The following FAM20A variants were observed in gnomAD, a reference collection of about 807,000 sequenced individuals.
FAM20A encodes the protein pseudokinase FAM20A.
Under a neutral mutation model 52.0 loss-of-function variants are expected in FAM20A, and 42 were observed. That is an observed-to-expected ratio of 0.81 (90% CI 0.63 to 1.04). FAM20A has a LOEUF of 1.04. Among genes scored for constraint, FAM20A ranks in the 50% least tolerant of loss-of-function variants. FAM20A has a pLI of 0.00. For synonymous variants in FAM20A, 304 were observed against 298.9 expected (o/e 1.02, Z -0.18); for missense variants, 742 against 712.7 (o/e 1.04, Z -0.47).
chr17:68,600,928 C>T lies in FAM20A; in HGVS notation c.-262G>A. ...CCGAGTGAGCCGAGGGAATGGGGTT[C>T]CCGGGGTGCCCGCTTCTTGCGCCTT... On this transcript the variant is annotated 5_prime_UTR_variant, in exon 1 of 11. Coordinates refer to ENST00000592554, the MANE Select transcript of FAM20A (RefSeq NM_017565.4). This position sits in a 1 kb window ranked among gnomAD's most constrained non-coding sequence, Gnocchi z 6.2. 2.4e-6 allele frequency: 1 copy of T among 420,478 alleles called. No individual in the cohort carries two copies. The highest frequency in any genetic ancestry group is 4.2e-6 in the Non-Finnish European group (1 of 240,474). The allele number at this position is 420,478 out of a possible 1,614,324, so 26.0% of individuals were successfully genotyped here. A position where few individuals can be genotyped will look rare whatever the true frequency, so the allele number is the denominator to read the frequency against.
intron 1 of FAM20A, among the ~76,000 whole-genome samples, chr17:68,578,729 C>T (rs2087845729): frequency 6.7e-6 from 1 of 149,732 alleles, no homozygotes. Flanking sequence ...TGCAGTGGCT[C>T]ATGCCTGTAA....
intron 1 of FAM20A, among the ~76,000 whole-genome samples, chr17:68,594,626 G>A (rs2088404639): frequency 6.6e-6 from 1 of 152,148 alleles, no homozygotes; most frequent in Non-Finnish European, 1.5e-5. Context: ...CTGCTTCCAA[G>A]CTCATTCTTG....
At chr17:68,555,512 C>T (rs771290228) in intron 2 of FAM20A, 47 bp downstream of exon 2, 2 of 1,599,570 alleles carry the variant, frequency 1.3e-6, no homozygotes, top group East Asian at 4.5e-5. Flanking sequence ...TACCCAGACT[C>T]TCTGGGAGAA....
Position 68,554,780 on chromosome 17 carries a change from G to C in FAM20A, c.637C>G (p.Gln213Glu). Residue 213 changes from glutamine to glutamate, a missense_variant, in exon 3 of 11, where the codon CAG (glutamine) becomes GAG (glutamate). By Grantham distance (29) the Gln-to-Glu change is conservative. Transcript: ENST00000592554. ...GGGGTGGGGCTAGGTCACTTACTCT[G>C]GGTGCAGTCACATGCCCCCAGCAAG... ...KALLGACDCT[Q>E]IVKPSGVHLK... 1 of 1,614,048 alleles carries C rather than the reference G, an allele frequency of 6.2e-7. No individual in the cohort carries two copies. Among genetic ancestry groups the C allele is most frequent in the South Asian group, 1.1e-5 (1 of 91,046 alleles).
At chr17:68,551,133 G>C (rs1019348554) in intron 4 of FAM20A, 39 of 1,233,980 alleles carry the variant, frequency 3.2e-5, no homozygotes, top group Admixed American at 4.2e-5. Flanking sequence ...AAGGCACTGG[G>C]GCCGAACTCT....
rs1491158387 is a variant in FAM20A, at chr17:68,575,788, TTA to T, written c.405-20047_405-20046del. Reference sequence around the variant, plus strand: ...TATTTTATATATTGTATATTTTATATTATACACACACACACACACACACACAC... The same window carrying T: ...TATTTTATATATTGTATATTTTATATTACACACACACACACACACACACAC... On this transcript the variant is annotated intron_variant, in intron 1 of 10. Coordinates refer to ENST00000592554, the MANE Select transcript of FAM20A (RefSeq NM_017565.4). 7.7e-3 allele frequency among the ~76,000 whole-genome samples: 284 copies of T among 36,952 alleles called. 1 individual carries two copies. The highest frequency in any genetic ancestry group is 0.026 in the East Asian group (19 of 718). 24.2% of individuals were successfully genotyped at this position (36,952 alleles called of 152,430 possible).
intron 4 of FAM20A, among the ~76,000 whole-genome samples, chr17:68,549,362 T>G (rs2086725902): frequency 6.6e-6 from 1 of 151,986 alleles, no homozygotes; most frequent in Non-Finnish European, 1.5e-5. Context: ...GGTGTGGTGG[T>G]ACACATCTAT....
chr17:68,571,926 A>T (rs911055789), intron 1 of FAM20A, among the ~76,000 whole-genome samples: 2 of 147,302 alleles, frequency 1.4e-5, no homozygotes, highest in South Asian at 4.5e-4. Flanking sequence ...CTGAGATATC[A>T]AACTTATGTA....
rs910714670 is a variant in FAM20A, at chr17:68,578,351, A to T, written c.404+21912T>A. Among the ~76,000 whole-genome samples the T allele has an allele frequency of 2.7e-4, 41 of 152,338 alleles. 1 individual carries two copies. The highest frequency in any genetic ancestry group is 8.4e-4 in the African/African-American group (35 of 41,566). Reference sequence around the variant, plus strand: ...GCTGGGGCACATATTTTCATGGTTCATAAGCAAATTTCCTTGTGGCTCACT... The same window carrying T: ...GCTGGGGCACATATTTTCATGGTTCTTAAGCAAATTTCCTTGTGGCTCACT... On this transcript the variant is annotated intron_variant, in intron 1 of 10. Transcript: ENST00000592554.
intron 1 of FAM20A, among the ~76,000 whole-genome samples, chr17:68,585,897 G>A (rs756179065): frequency 3.3e-5 from 5 of 152,232 alleles, no homozygotes; most frequent in Non-Finnish European, 5.9e-5. Flanking sequence ...ACACCATACA[G>A]TGTCCTCTCT....
At chr17:68,545,326 T>C (rs1049059210) in intron 4 of FAM20A, among the ~76,000 whole-genome samples, 12 of 152,366 alleles carry the variant, frequency 7.9e-5, no homozygotes, top group African/African-American at 2.9e-4. Flanking sequence ...TTCGGAGATA[T>C]TGCAGGTTTG....
intron 1 of FAM20A, among the ~76,000 whole-genome samples, chr17:68,579,394 A>G (rs2087879008): frequency 6.6e-6 from 1 of 152,098 alleles, no homozygotes; most frequent in South Asian, 2.1e-4. Flanking sequence ...TTGACCCAAC[A>G]TGAGGGGCTT....
intron 9 of FAM20A, among the ~76,000 whole-genome samples, 190 bp from the exon 10 acceptor site, chr17:68,539,586 G>A (rs535204160): frequency 1.1e-4 from 17 of 152,360 alleles, no homozygotes; most frequent in Non-Finnish European, 2.2e-4. Flanking sequence ...TTAGAGCTAA[G>A]CAATCCTTCA....
chr17:68,589,013 G>C (rs1442053527), intron 1 of FAM20A, among the ~76,000 whole-genome samples: 1 of 152,158 alleles, frequency 6.6e-6, no homozygotes, highest in African/African-American at 2.4e-5. Flanking sequence ...CTCTTCAATG[G>C]CCAGGATTCC....
chr17:68,547,801 G>C (rs369977568), intron 4 of FAM20A, among the ~76,000 whole-genome samples: 6 of 152,332 alleles, frequency 3.9e-5, no homozygotes, highest in African/African-American at 9.6e-5. Context: ...GTGTTTAGTG[G>C]AGCAGCGCTT....
At chr17:68,584,650 T>G (rs2088117283) in intron 1 of FAM20A, among the ~76,000 whole-genome samples, 1 of 152,232 alleles carries the variant, frequency 6.6e-6, no homozygotes, top group Admixed American at 6.5e-5. Context: ...ATAATACTTC[T>G]GGATGAGTTG....
At chr17:68,574,277 CTGGT>C (rs2087663009) in intron 1 of FAM20A, among the ~76,000 whole-genome samples, 1 of 152,150 alleles carries the variant, frequency 6.6e-6, no homozygotes, top group Non-Finnish European at 1.5e-5. Flanking sequence ...GTTGCCCAGG[CTGGT>C]CTCAAACTCC....
chr17:68,558,212 G>A (rs909617156), intron 1 of FAM20A: 1 of 296,776 alleles, frequency 3.4e-6, no homozygotes, highest in Non-Finnish European at 7.2e-6. Flanking sequence ...GCAAGGAACT[G>A]AATTCTACCA....
At chr17:68,584,755 A>AG (rs1163021182) in intron 1 of FAM20A, among the ~76,000 whole-genome samples, 1 of 152,352 alleles carries the variant, frequency 6.6e-6, no homozygotes, top group Non-Finnish European at 1.5e-5. Context: ...CAGCCTTAAC[A>AG]GACCACTGTC....
Sources: allele counts gnomAD v4.1 joint callset (sites outside exome capture counted in the v4.1 genomes callset), GRCh38; gene constraint gnomAD v4.1.1; non-coding constraint Gnocchi (gnomAD v3.1); transcripts MANE v1.5; gene names NCBI Gene and HGNC (gene_info 2026-07-23, HGNC 2026-07-21).